RALGAPA1: variants seen among roughly 807,000 people sequenced by gnomAD.
RALGAPA1 encodes ral GTPase-activating protein subunit alpha-1.
In RALGAPA1, 52 loss-of-function variants were observed where a neutral mutation model predicts 269.6. That is an observed-to-expected ratio of 0.19 (90% CI 0.15 to 0.24). The LOEUF (loss-of-function observed/expected upper bound fraction) is 0.24. Among genes scored for constraint, RALGAPA1 ranks in the 10% least tolerant of loss-of-function variants. RALGAPA1 has a pLI of 1.00. For synonymous variants in RALGAPA1, 817 were observed against 1,008.3 expected (o/e 0.81, Z 3.60); for missense variants, 1,917 against 3,013.9 (o/e 0.64, Z 8.52).
At position 35,637,569 on chromosome 14, in the gene RALGAPA1, A is replaced by G. The variant is rs564737342; in HGVS notation, c.5677-1971T>C. 2.9e-4 allele frequency among the ~76,000 whole-genome samples: 44 copies of G among 152,310 alleles called. 1 individual carries two copies. In the Middle Eastern group the frequency reaches 0.02, roughly 71 times the overall value. The stretch of plus-strand genomic sequence containing the variant: ...GAAGAAAAAAGAATAAAACACACCT[A>G]TAAGAACTAGAAAAGAGCATCAAAA... On this transcript the variant is annotated intron_variant, in intron 31 of 41. Coordinates refer to ENST00000680220, the MANE Select transcript of RALGAPA1 (RefSeq NM_001346249.2).
At chr14:35,601,682 C>T (rs541829279) in intron 36 of RALGAPA1, among the ~76,000 whole-genome samples, 40 of 152,236 alleles carry the variant, frequency 2.6e-4, no homozygotes, top group South Asian at 6.2e-4. Flanking sequence ...CCAGAAAATG[C>T]GCCACTATGT....
chr14:35,730,157 C>T (rs2070339675), intron 12 of RALGAPA1, among the ~76,000 whole-genome samples: 1 of 152,256 alleles, frequency 6.6e-6, no homozygotes, highest in Admixed American at 6.5e-5. Flanking sequence ...GAGAAATTTC[C>T]GACCTTACCT....
chr14:35,752,549 T>C (rs1007314169), intron 7 of RALGAPA1, among the ~76,000 whole-genome samples: 12 of 152,076 alleles, frequency 7.9e-5, no homozygotes, highest in African/African-American at 2.9e-4. Flanking sequence ...GTGCAGACGA[T>C]CAGAGCCTGA....
rs766489714 is a variant in RALGAPA1 at position 35,570,693 on chromosome 14, G to C, written c.7420C>G (p.Leu2474Val). 2 of 1,611,792 alleles carry C rather than the reference G, an allele frequency of 1.2e-6. No homozygotes were observed. The highest frequency in any genetic ancestry group is 1.7e-6 in the Non-Finnish European group (2 of 1,178,992). Residue 2474 changes from leucine to valine, a missense_variant, in exon 39 of 42, where the codon CTA becomes GTA. By Grantham distance (32) the Leu-to-Val change is conservative. Transcript: ENST00000680220. ...FDGAIVNGKV[L>V]PIMVRATAIN... ...GCTGTTGCTCTAACCATAATGGGTA[G>C]AACCTTTCCATTCACAATAGCACCA... is the stretch of plus-strand genomic sequence containing the variant.
intron 11 of RALGAPA1, 70 bp from the exon 12 acceptor site, chr14:35,738,720 A>C: frequency 7.7e-7 from 1 of 1,300,710 alleles, no homozygotes; most frequent in East Asian, 2.4e-5. Flanking sequence ...TAAGTTGAAA[A>C]GGTAAATGAA....
intron 1 of RALGAPA1, among the ~76,000 whole-genome samples, chr14:35,787,786 C>G (rs183881760): frequency 6.6e-6 from 1 of 151,160 alleles, no homozygotes; most frequent in East Asian, 1.9e-4. Context: ...CTCACTATGT[C>G]GCCCAGGCTG....
chr14:35,622,772 T>C (rs1000436449), intron 35 of RALGAPA1, among the ~76,000 whole-genome samples: 3 of 152,196 alleles, frequency 2.0e-5, no homozygotes, highest in Non-Finnish European at 4.4e-5. Flanking sequence ...AAGAATTAAA[T>C]GTAAAATAAT....
intron 6 of RALGAPA1, among the ~76,000 whole-genome samples, chr14:35,760,613 T>C (rs886599142): frequency 5.9e-5 from 9 of 152,250 alleles, no homozygotes; most frequent in African/African-American, 1.9e-4. Context: ...TGGCATGGCA[T>C]GCCCCTTCCT....
chr14:35,746,565 GGGAA>G (rs971339087), intron 10 of RALGAPA1, among the ~76,000 whole-genome samples: 8 of 151,902 alleles, frequency 5.3e-5, no homozygotes, highest in Non-Finnish European at 7.4e-5. Context: ...CAATAAAGTT[GGGAA>G]AACCCCATAA....
chr14:35,606,541 A>G (rs943791125), intron 35 of RALGAPA1, among the ~76,000 whole-genome samples: 1 of 152,218 alleles, frequency 6.6e-6, no homozygotes. Flanking sequence ...AACTGTATGG[A>G]GTAATAGCCA....
chr14:35,735,476 A>G (rs866205114), intron 12 of RALGAPA1, among the ~76,000 whole-genome samples: 8 of 152,204 alleles, frequency 5.3e-5, no homozygotes, highest in Admixed American at 2.0e-4. Context: ...ACCAAACATC[A>G]TATGTTCTCA....
chr14:35,667,436 A>T (rs2064037550), intron 26 of RALGAPA1, among the ~76,000 whole-genome samples: 1 of 152,156 alleles, frequency 6.6e-6, no homozygotes, highest in African/African-American at 2.4e-5. Context: ...TGTTTATCTA[A>T]TATAGCATTA....
At chr14:35,662,087 G>A (rs1237340561) in intron 27 of RALGAPA1, among the ~76,000 whole-genome samples, 2 of 152,088 alleles carry the variant, frequency 1.3e-5, no homozygotes, top group African/African-American at 4.8e-5. Flanking sequence ...TTAAATGAGT[G>A]AACTGTAAAA....
intron 38 of RALGAPA1, among the ~76,000 whole-genome samples, chr14:35,571,157 C>A (rs1199462896): frequency 6.6e-6 from 1 of 152,142 alleles, no homozygotes; most frequent in Non-Finnish European, 1.5e-5. Context: ...TACTACAGAA[C>A]CTAAAACCCT....
rs567593230 is a variant in RALGAPA1, at chr14:35,761,084, GA to G, written c.370-79del. 1.8e-4 allele frequency: 193 copies of G among 1,084,032 alleles called. 5 individuals are homozygous for G. The South Asian group carries it at 3.2e-3, about 18-fold the overall frequency. The allele number at this position is 1,084,032 out of a possible 1,614,324, so 67.2% of individuals were successfully genotyped here. A position where few individuals can be genotyped will look rare whatever the true frequency, so the allele number is the denominator to read the frequency against. On this transcript the variant is annotated intron_variant, in intron 5 of 41. Transcript: ENST00000680220. ...TTCCTTTGAAAAACAAAGTTCTCTA[GA>G]TGATGACAACAGAATGATACTTTCG...
chr14:35,742,006 A>G (rs2071596581), intron 11 of RALGAPA1, among the ~76,000 whole-genome samples: 1 of 152,208 alleles, frequency 6.6e-6, no homozygotes, highest in Non-Finnish European at 1.5e-5. Context: ...CTTCCAGGAA[A>G]GGAGGAACTG....
In RALGAPA1 at chr14:35,809,020, T is replaced by A; in HGVS notation, c.-185A>T. The A allele has an allele frequency of 8.3e-7, 1 of 1,205,234 alleles. No homozygotes were observed. The highest frequency in any genetic ancestry group is 1.1e-6 in the Non-Finnish European group (1 of 895,826). The allele number at this position is 1,205,234 out of a possible 1,614,324, so 74.7% of individuals were successfully genotyped here. ...GCCAGGGCCGCCACCTCCACCCGCC[T>A]CGCGCCGCGGCTCCAAGGCACCTTC... is the stretch of plus-strand genomic sequence containing the variant. On this transcript the variant is annotated 5_prime_UTR_variant, in exon 1 of 42. Coordinates refer to ENST00000680220, the MANE Select transcript of RALGAPA1 (RefSeq NM_001346249.2).
chr14:35,745,713 G>A (rs749509102), intron 10 of RALGAPA1, among the ~76,000 whole-genome samples: 14 of 139,282 alleles, frequency 1.0e-4, no homozygotes, highest in Admixed American at 2.3e-4. Flanking sequence ...GCAGTGAGCC[G>A]AGATAGTGCC....
rs531302921 is a variant in RALGAPA1 at position 35,611,608 on chromosome 14, T to C, written c.6930-5899A>G. On this transcript the variant is annotated intron_variant, in intron 35 of 41. Coordinates refer to ENST00000680220, the MANE Select transcript of RALGAPA1 (RefSeq NM_001346249.2). ...GGCTGGGCATGGTGGCACATGCCTG[T>C]AGTCCTAGCTACTGGGGAGGATGAG... Among the ~76,000 whole-genome samples, 5 of 151,858 alleles carry C rather than the reference T, an allele frequency of 3.3e-5. No individual in the cohort carries two copies. The South Asian group carries it at 1.0e-3, about 32-fold the overall frequency.
Sources: gnomAD v4.1 joint callset for allele counts (sites outside exome capture counted in the v4.1 genomes callset) on GRCh38, gnomAD v4.1.1 for gene constraint, MANE v1.5 for transcripts, NCBI Gene and HGNC (gene_info 2026-07-23, HGNC 2026-07-21) for gene names.